Variants in ABCC8 observed in about 807,000 individuals in gnomAD.
The protein encoded by ABCC8 is ATP-binding cassette sub-family C member 8.
In ABCC8, 137 loss-of-function variants were observed where a neutral mutation model predicts 188.0. That is an observed-to-expected ratio of 0.73 (90% CI 0.63 to 0.84). The LOEUF is 0.84. Among genes scored for constraint, ABCC8 ranks in the 40% least tolerant of loss-of-function variants. The probability of loss-of-function intolerance (pLI) is 0.00; values close to 1 mark genes in which losing one functional copy is unlikely to be tolerated. For missense variants in ABCC8, 1,750 were observed against 2,072.7 expected, an observed-to-expected ratio of 0.84 and a Z score of 3.02; for synonymous variants, 797 against 846.5, an observed-to-expected ratio of 0.94 and a Z score of 1.01.
chr11:17,418,195 G>A (rs181104835), intron 16 of ABCC8, among the ~76,000 whole-genome samples: 9 of 152,234 alleles, frequency 5.9e-5, no homozygotes, highest in Non-Finnish European at 8.8e-5. Flanking sequence ...AGTAAGTAGC[G>A]GAGAAAATAG....
At chr11:17,444,559 C>T (rs1956451424) in intron 8 of ABCC8, among the ~76,000 whole-genome samples, 1 of 152,168 alleles carries the variant, frequency 6.6e-6, no homozygotes, top group Non-Finnish European at 1.5e-5. Context: ...TCATGCTCCC[C>T]CATCCCCTCC....
rs369280801 is a variant in ABCC8, at chr11:17,412,966, G to A, written c.2476-220C>T. The A allele has an allele frequency of 2.1e-4, 207 of 971,910 alleles. 2 individuals carry two copies. The East Asian group carries it at 4.3e-3, about 20-fold the overall frequency. 60.2% of individuals were successfully genotyped at this position (971,910 alleles called of 1,614,324 possible). On this transcript the variant is annotated intron_variant, in intron 20 of 38. Coordinates refer to ENST00000389817, the MANE Select transcript of ABCC8 (RefSeq NM_000352.6). The stretch of plus-strand genomic sequence containing the variant: ...GTCTTTAAAGATTCATTGTGTAGGC[G>A]CTAGGGACCATCTGACCAGTACAAA...
chr11:17,432,165 C>G (rs1429306391), intron 11 of ABCC8, 39 bp downstream of exon 11: 1 of 1,551,742 alleles, frequency 6.4e-7, no homozygotes, highest in Non-Finnish European at 8.7e-7. Flanking sequence ...CCCTCCCCCT[C>G]CACCCTACCC....
intron 6 of ABCC8, among the ~76,000 whole-genome samples, chr11:17,454,229 C>T (rs907944188): frequency 6.6e-6 from 1 of 152,130 alleles, no homozygotes; most frequent in African/African-American, 2.4e-5. Flanking sequence ...GGCCCAGGCT[C>T]TCATTGGAGG....
At chr11:17,437,007 C>T (rs920970825) in intron 10 of ABCC8, among the ~76,000 whole-genome samples, 5 of 138,478 alleles carry the variant, frequency 3.6e-5, no homozygotes, top group African/African-American at 1.3e-4. Flanking sequence ...AGGAGAATCG[C>T]TTGAACCCAG....
At position 17,405,561 on chromosome 11, in the gene ABCC8, A is replaced by T. The variant is rs1311421081; in HGVS notation, c.3332T>A (p.Phe1111Tyr). ...GCTCCCAAGGGGCGTGGTCTCAAAA[A>T]ACCTAAGAGGCAGCCAGAGGAAGAG... The part of the protein sequence containing the change: ...LNRIILAPMR[F>Y]FETTPLGSIL... The change falls in exon 27 of 39, where the codon TTT becomes TAT. Residue 1111 changes from phenylalanine to tyrosine, a missense_variant and splice_region_variant. Transcript: ENST00000389817. 6.2e-7 allele frequency: 1 copy of T among 1,614,232 alleles called. No individual in the cohort carries two copies. The highest frequency in any genetic ancestry group is 1.7e-5 in the Admixed American group (1 of 60,026).
At position 17,427,955 on chromosome 11, in the gene ABCC8, T is replaced by A; in HGVS notation, c.2041-13A>T. 6.2e-7 allele frequency: 1 copy of A among 1,612,874 alleles called. No individual in the cohort carries two copies. The highest frequency in any genetic ancestry group is 8.5e-7 in the Non-Finnish European group (1 of 1,179,458). On this transcript the variant is annotated splice_polypyrimidine_tract_variant and intron_variant, in intron 14 of 38. Coordinates refer to ENST00000389817, the MANE Select transcript of ABCC8 (RefSeq NM_000352.6). This position sits in a 1 kb window ranked among gnomAD's most constrained non-coding sequence, Gnocchi z 5.0. ...AGCCTCCCATGATCTTCATTAGGCG[T>A]GTCCCACCGCCCAGGAGAGAACAGA...
At chr11:17,434,982 C>CGTGT (rs1491382729) in intron 10 of ABCC8, among the ~76,000 whole-genome samples, 40 of 62,758 alleles carry the variant, frequency 6.4e-4, no homozygotes, top group African/African-American at 2.0e-3. Flanking sequence ...TGCGTGTGTT[C>CGTGT]GCGTGTGTGT....
intron 10 of ABCC8, 151 bp downstream of exon 10, chr11:17,442,569 C>T: frequency 1.3e-6 from 1 of 769,474 alleles, no homozygotes; most frequent in Non-Finnish European, 2.3e-6. Context: ...GGGAGCTTAG[C>T]TATCAGAGCC....
chr11:17,406,907 C>A lies in ABCC8; in HGVS notation c.3143G>T (p.Arg1048Met). ...DSALTLTPAA[R>M]NCSLSQECTL... is the part of the protein sequence containing the mutation. ...TCACACCTGGCTGAGGGAGCAGTTC[C>A]TGGCTGCAGGGGTCAGGGTCAGGGC... is the stretch of plus-strand genomic sequence containing the variant. Residue 1048 changes from arginine (R) to methionine (M), a missense_variant, in exon 25 of 39, where the codon AGG becomes ATG. Arg to Met is a moderately conservative substitution (Grantham distance 91). Coordinates refer to ENST00000389817, the MANE Select transcript of ABCC8 (RefSeq NM_000352.6). 1 of 1,614,142 alleles carries A rather than the reference C, an allele frequency of 6.2e-7. No individual in the cohort carries two copies. Among genetic ancestry groups the A allele is most frequent in the Non-Finnish European group, 8.5e-7 (1 of 1,180,022 alleles).
At chr11:17,411,698 C>G (rs531251746) in intron 21 of ABCC8, among the ~76,000 whole-genome samples, 1 of 152,250 alleles carries the variant, frequency 6.6e-6, no homozygotes, top group South Asian at 2.1e-4. Context: ...CTGGACAAGG[C>G]CCCCTCATAG....
intron 23 of ABCC8, among the ~76,000 whole-genome samples, chr11:17,408,003 T>A (rs1225258167): frequency 6.6e-6 from 1 of 152,180 alleles, no homozygotes; most frequent in East Asian, 1.9e-4. Context: ...AGAAACAGAT[T>A]TCTGATTACA....
rs369829544 is a variant in ABCC8 at position 17,453,303 on chromosome 11, A to G, written c.1012-20T>C. 1.9e-6 allele frequency: 3 copies of G among 1,613,790 alleles called. No individual in the cohort carries two copies. Among genetic ancestry groups the G allele is most frequent in the Non-Finnish European group, 2.5e-6 (3 of 1,179,890 alleles). ...TTGTGTCTGTTGGAAAGAGAAGTTC[A>G]GAGGTGACTGTCATTGCCAGCAAAA... On this transcript the variant is annotated intron_variant, in intron 6 of 38. Transcript: ENST00000389817.
chr11:17,431,354 C>T (rs567784305), intron 11 of ABCC8, among the ~76,000 whole-genome samples: 4 of 152,350 alleles, frequency 2.6e-5, no homozygotes, highest in African/African-American at 9.6e-5. Context: ...CAGTGCTTTG[C>T]CCCAGCCACC....
In ABCC8 at chr11:17,397,110, C is replaced by T. The variant is rs1303942572; in HGVS notation, c.3989-64G>A. ...ACAGCTAGTATCCGAAAGTGCCACC[C>T]CATCCCCAGGCTCCCTTGTGGCCCC... On this transcript the variant is annotated intron_variant, in intron 32 of 38. Transcript: ENST00000389817. The T allele has an allele frequency of 4.3e-6, 7 of 1,613,714 alleles. 1 individual carries two copies. Among genetic ancestry groups the T allele is most frequent in the Non-Finnish European group, 5.9e-6 (7 of 1,179,974 alleles).
Position 17,393,687 on chromosome 11 carries a change from G to A in ABCC8, c.4608+10C>T, listed in dbSNP as rs754304889. 41 of 1,614,178 alleles carry A rather than the reference G, an allele frequency of 2.5e-5. No individual in the cohort carries two copies. In the East Asian group the frequency reaches 9.1e-4, roughly 36 times the overall value. On this transcript the variant is annotated intron_variant, in intron 38 of 38. Coordinates refer to ENST00000389817, the MANE Select transcript of ABCC8 (RefSeq NM_000352.6). ...GGTGTCCCTCTGCACCCCATCAATG[G>A]GCCCCTTACCGCGATGGTGACCACA...
At chr11:17,453,654 G>A (rs1481268005) in intron 6 of ABCC8, among the ~76,000 whole-genome samples, 1 of 152,082 alleles carries the variant, frequency 6.6e-6, no homozygotes, top group South Asian at 2.1e-4. Flanking sequence ...CAAGTCTCAC[G>A]GTGCATGTTC....
intron 8 of ABCC8, among the ~76,000 whole-genome samples, chr11:17,445,535 G>A (rs917855929): frequency 2.0e-5 from 3 of 152,220 alleles, no homozygotes; most frequent in Non-Finnish European, 4.4e-5. Flanking sequence ...GGGCTTACAC[G>A]GGAATGGGGC....
intron 29 of ABCC8, among the ~76,000 whole-genome samples, chr11:17,402,310 C>A (rs1374254965): frequency 6.6e-6 from 1 of 152,174 alleles, no homozygotes; most frequent in African/African-American, 2.4e-5. Flanking sequence ...TAGTGTTTGG[C>A]ACACAGGGGC....
Sources: allele counts gnomAD v4.1 joint callset (sites outside exome capture counted in the v4.1 genomes callset), GRCh38; gene constraint gnomAD v4.1.1; non-coding constraint Gnocchi (gnomAD v3.1); transcripts MANE v1.5; gene names NCBI Gene and HGNC (gene_info 2026-07-23, HGNC 2026-07-21).